The following RPTOR variants were observed in gnomAD, a reference collection of about 807,000 sequenced individuals.
RPTOR encodes regulatory-associated protein of mTOR.
A neutral mutation model predicts 169.9 loss-of-function variants in RPTOR; 21 were observed. That is an observed-to-expected ratio of 0.12 (90% CI 0.09 to 0.18). RPTOR has a LOEUF of 0.18. Among genes scored for constraint, RPTOR ranks in the 10% least tolerant of loss-of-function variants. RPTOR has a pLI of 1.00. For missense variants in RPTOR, 1,133 were observed against 1,855.9 expected (o/e 0.61, Z 7.16); for synonymous variants, 732 against 753.2 (o/e 0.97, Z 0.46).
intron 4 of RPTOR, among the ~76,000 whole-genome samples, chr17:80,713,071 T>C (rs1667248669): frequency 6.6e-6 from 1 of 152,090 alleles, no homozygotes; most frequent in African/African-American, 2.4e-5. Flanking sequence ...AGTTTTTTGT[T>C]TTTGTTTTTG....
rs568329145 is a variant in RPTOR, at chr17:80,844,581, A to G, written c.1213-1892A>G. On this transcript the variant is annotated intron_variant, in intron 10 of 33. Coordinates refer to ENST00000306801, the MANE Select transcript of RPTOR (RefSeq NM_020761.3). This position sits in a 1 kb window ranked among gnomAD's most constrained non-coding sequence, Gnocchi z 4.7. ...AAAATCACTCTGGGGGCTCCAAGCC[A>G]GCTCCACAGGTTGCCCTCCAAGTGT... 1.2e-4 allele frequency among the ~76,000 whole-genome samples: 19 copies of G among 152,354 alleles called. No individual in the cohort carries two copies. Among genetic ancestry groups the G allele is most frequent in the African/African-American group, 4.6e-4 (19 of 41,582 alleles).
chr17:80,587,302 T>C (rs1450350552), intron 1 of RPTOR, among the ~76,000 whole-genome samples: 1 of 152,282 alleles, frequency 6.6e-6, no homozygotes, highest in African/African-American at 2.4e-5. Context: ...TCATAGTATC[T>C]GCGCTCTTTT....
At position 80,646,195 on chromosome 17, in the gene RPTOR, G is replaced by T. The variant is rs560259071; in HGVS notation, c.348+2385G>T. Among the ~76,000 whole-genome samples, 31 of 152,262 alleles carry T rather than the reference G, an allele frequency of 2.0e-4. No individual in the cohort carries two copies. In the South Asian group the frequency reaches 6.4e-3, roughly 32 times the overall value. On this transcript the variant is annotated intron_variant, in intron 3 of 33. Coordinates refer to ENST00000306801, the MANE Select transcript of RPTOR (RefSeq NM_020761.3). The surrounding 1 kb of genome is among the most constrained non-coding windows in gnomAD (Gnocchi z 5.0). ...CCACAACAATGGACACCTAATATTT[G>T]CTTTTCGAATGCCAACACCATTGCA... is the stretch of plus-strand genomic sequence containing the variant.
At chr17:80,867,985 G>C (rs1483115606) in intron 13 of RPTOR, among the ~76,000 whole-genome samples, 1 of 152,116 alleles carries the variant, frequency 6.6e-6, no homozygotes, top group Non-Finnish European at 1.5e-5. Context: ...ACAGTTGAAG[G>C]ACTAATACTA....
intron 10 of RPTOR, 54 bp from the exon 11 acceptor site, chr17:80,846,419 C>T (rs1281035952): frequency 6.4e-7 from 1 of 1,557,256 alleles, no homozygotes; most frequent in Non-Finnish European, 8.8e-7. Flanking sequence ...GTGGGCAAGA[C>T]CAGGCCATCT....
chr17:80,586,716 G>T (rs997032609), intron 1 of RPTOR, among the ~76,000 whole-genome samples: 3 of 152,200 alleles, frequency 2.0e-5, no homozygotes, highest in Non-Finnish European at 2.9e-5. Flanking sequence ...GGTCAGGGAC[G>T]CCGGTGTCCG....
At chr17:80,643,617 A>T in intron 2 of RPTOR, 111 bp from the exon 3 acceptor site, 1 of 712,478 alleles carries the variant, frequency 1.4e-6, no homozygotes, top group Non-Finnish European at 2.4e-6. Context: ...TGTTACTTTT[A>T]GTCAAAGGTG....
At chr17:80,912,576 A>G (rs2068625538) in intron 21 of RPTOR, among the ~76,000 whole-genome samples, 1 of 152,136 alleles carries the variant, frequency 6.6e-6, no homozygotes, top group Non-Finnish European at 1.5e-5. Flanking sequence ...CCTCTTGGGA[A>G]GCTCTCGAGC....
In RPTOR at chr17:80,602,190, C is replaced by T. The variant is rs1468332502; in HGVS notation, c.163-23501C>T. On this transcript the variant is annotated intron_variant, in intron 1 of 33. Coordinates refer to ENST00000306801, the MANE Select transcript of RPTOR (RefSeq NM_020761.3). ...CTCCTGGGCAGGGCGGCTGGCCGGG[C>T]GGGGGGCTGACCCCCCCACCTCCCT... Among the ~76,000 whole-genome samples the T allele has an allele frequency of 7.6e-5, 5 of 66,222 alleles. 2 individuals are homozygous for T. The highest frequency in any genetic ancestry group is 2.2e-4 in the Admixed American group (2 of 9,062). 43.4% of individuals were successfully genotyped at this position (66,222 alleles called of 152,430 possible).
intron 33 of RPTOR, 49 bp from the exon 34 acceptor site, chr17:80,964,211 CAG>C: frequency 5.3e-6 from 7 of 1,328,128 alleles, no homozygotes; most frequent in Non-Finnish European, 6.4e-6. Flanking sequence ...CCGCCCCCCG[CAG>C]TGTCTGCCCG....
chr17:80,560,565 C>A (rs2084469540), intron 1 of RPTOR, among the ~76,000 whole-genome samples: 1 of 152,004 alleles, frequency 6.6e-6, no homozygotes, highest in Non-Finnish European at 1.5e-5. Flanking sequence ...GTAGCTGAAA[C>A]AGAATGGAAG....
intron 1 of RPTOR, among the ~76,000 whole-genome samples, chr17:80,572,413 T>A (rs375982041): frequency 6.6e-6 from 1 of 150,946 alleles, no homozygotes; most frequent in African/African-American, 2.4e-5. Context: ...CTTCTTTTTT[T>A]TAAAAAAATG....
intron 3 of RPTOR, among the ~76,000 whole-genome samples, chr17:80,699,166 G>C (rs186045158): frequency 6.6e-6 from 1 of 152,348 alleles, no homozygotes; most frequent in East Asian, 1.9e-4. Flanking sequence ...TGATAAAACA[G>C]CTTTCTCTGG....
intron 5 of RPTOR, among the ~76,000 whole-genome samples, chr17:80,739,962 CAG>C (rs913064041): frequency 3.7e-4 from 56 of 151,828 alleles, no homozygotes; most frequent in African/African-American, 1.2e-3. Flanking sequence ...AAATTGAAAA[CAG>C]AAAAACAATG....
At chr17:80,673,963 G>A (rs1180459661) in intron 3 of RPTOR, among the ~76,000 whole-genome samples, 2 of 152,172 alleles carry the variant, frequency 1.3e-5, no homozygotes, top group Admixed American at 1.3e-4. Context: ...TGGTGTGGTT[G>A]GTCTGCCACT....
At chr17:80,602,721 T>A (rs2065199300) in intron 1 of RPTOR, 7 of 763,174 alleles carry the variant, frequency 9.2e-6, no homozygotes, top group Non-Finnish European at 1.7e-5. Flanking sequence ...GACAGCTTTG[T>A]TGAGCCTGGT....
intron 7 of RPTOR, among the ~76,000 whole-genome samples, chr17:80,813,745 C>T (rs7213109): frequency 6.6e-6 from 1 of 152,172 alleles, no homozygotes; most frequent in Non-Finnish European, 1.5e-5. Flanking sequence ...CCAGCCCAAG[C>T]TTCTCTACAC....
intron 15 of RPTOR, 127 bp downstream of exon 15, chr17:80,883,611 T>C: frequency 8.3e-7 from 1 of 1,198,514 alleles, no homozygotes; most frequent in South Asian, 1.3e-5. Context: ...ACCCTTCATC[T>C]AGCCAGCCAT....
At chr17:80,896,459 A>G (rs1160590592) in intron 20 of RPTOR, among the ~76,000 whole-genome samples, 1 of 117,274 alleles carries the variant, frequency 8.5e-6, no homozygotes. Flanking sequence ...GACACCCCAC[A>G]CGGCCGCACC....
Sources: gnomAD v4.1 joint callset for allele counts (sites outside exome capture counted in the v4.1 genomes callset) on GRCh38, gnomAD v4.1.1 for gene constraint, Gnocchi (gnomAD v3.1) non-coding constraint, MANE v1.5 for transcripts, NCBI Gene and HGNC (gene_info 2026-07-23, HGNC 2026-07-21) for gene names.